The following DOCK1 variants were observed in gnomAD, a reference collection of about 807,000 sequenced individuals.
DOCK1 encodes dedicator of cytokinesis protein 1.
In DOCK1, 138 loss-of-function variants were observed where a neutral mutation model predicts 262.7. That is an observed-to-expected ratio of 0.53 (90% CI 0.46 to 0.61). The LOEUF (loss-of-function observed/expected upper bound fraction) is 0.61, where lower values mean the gene tolerates loss of function less well. Ranked by LOEUF, DOCK1 falls within the 20% of genes least tolerant of loss-of-function variation. DOCK1 has a pLI of 0.00. For synonymous variants in DOCK1, 866 were observed against 867.4 expected, an observed-to-expected ratio of 1.00 and a Z score of 0.03; for missense variants, 1,908 against 2,370.7, an observed-to-expected ratio of 0.80 and a Z score of 4.05.
intron 27 of DOCK1, among the ~76,000 whole-genome samples, chr10:127,141,777 C>G (rs1232865888): frequency 1.3e-5 from 2 of 152,202 alleles, no homozygotes; most frequent in African/African-American, 4.8e-5. Flanking sequence ...CCTGTGTCCT[C>G]CCACAATGAG....
chr10:127,091,345 TGTTGA>T (rs1246916680), intron 23 of DOCK1, among the ~76,000 whole-genome samples: 2 of 152,222 alleles, frequency 1.3e-5, no homozygotes. Flanking sequence ...GGTCTGTTTC[TGTTGA>T]GTTGACTGAA....
intron 1 of DOCK1, among the ~76,000 whole-genome samples, chr10:126,955,701 G>A (rs1591439474): frequency 1.3e-5 from 2 of 152,224 alleles, no homozygotes. Flanking sequence ...CTTGGCTTCC[G>A]CTGTTTTATT....
rs1462276421 is a variant in DOCK1, at chr10:127,235,660, T to C, written c.2848-12348T>C. Among the ~76,000 whole-genome samples, 3 of 152,174 alleles carry C rather than the reference T, an allele frequency of 2.0e-5. No homozygotes were observed. In the East Asian group the frequency reaches 5.8e-4, roughly 29 times the overall value. On this transcript the variant is annotated intron_variant, in intron 27 of 51. Coordinates refer to ENST00000623213, the MANE Select transcript of DOCK1 (RefSeq NM_001290223.2). ...GGGTGAATTCTTAGAAGCAGCGTGG[T>C]TGGGTCATGAGGTGAGTATATTATC...
intron 29 of DOCK1, among the ~76,000 whole-genome samples, chr10:127,300,033 G>C (rs534960899): frequency 6.6e-6 from 1 of 152,274 alleles, no homozygotes; most frequent in East Asian, 1.9e-4. Flanking sequence ...TGTGAGTTCT[G>C]TCCTGAGATG....
At chr10:127,441,123 G>A (rs2070095154) in intron 49 of DOCK1, among the ~76,000 whole-genome samples, 3 of 152,218 alleles carry the variant, frequency 2.0e-5, no homozygotes, top group South Asian at 2.1e-4. Context: ...GGAGGGCCTC[G>A]GAGCAGTTGT....
chr10:127,304,150 G>A (rs1356264502), intron 29 of DOCK1, among the ~76,000 whole-genome samples: 1 of 152,170 alleles, frequency 6.6e-6, no homozygotes. Flanking sequence ...TCAGGGGGCA[G>A]AGCTCCAGCC....
At chr10:127,299,689 T>A (rs1803426844) in intron 29 of DOCK1, among the ~76,000 whole-genome samples, 1 of 152,188 alleles carries the variant, frequency 6.6e-6, no homozygotes, top group Non-Finnish European at 1.5e-5. Context: ...TTGTGGTCAC[T>A]TGTCATGCCA....
intron 29 of DOCK1, among the ~76,000 whole-genome samples, chr10:127,299,878 A>G (rs566190522): frequency 9.8e-5 from 15 of 152,334 alleles, no homozygotes; most frequent in Admixed American, 9.2e-4. Flanking sequence ...CAAACCTTGC[A>G]TCCTTTTCTC....
In DOCK1 at chr10:127,356,065, C is replaced by T. The variant is rs1436908395; in HGVS notation, c.3283+1338C>T. Among the ~76,000 whole-genome samples, 4 of 152,186 alleles carry T rather than the reference C, an allele frequency of 2.6e-5. No homozygotes were observed. In the East Asian group the frequency reaches 7.7e-4, roughly 29 times the overall value. ...GTCCTGGAGTCAGTGGAGGACTCCTCGAGGAAGCTCTGTGCTAGGTCTCTG... is the reference window on the plus strand; with the variant it reads ...GTCCTGGAGTCAGTGGAGGACTCCTTGAGGAAGCTCTGTGCTAGGTCTCTG... On this transcript the variant is annotated intron_variant, in intron 32 of 51. Coordinates refer to ENST00000623213, the MANE Select transcript of DOCK1 (RefSeq NM_001290223.2).
At chr10:127,424,386 C>T (rs1015285890) in intron 46 of DOCK1, among the ~76,000 whole-genome samples, 1 of 152,320 alleles carries the variant, frequency 6.6e-6, no homozygotes, top group South Asian at 2.1e-4. Flanking sequence ...AGTTTTATCA[C>T]ACCACCATCA....
intron 25 of DOCK1, among the ~76,000 whole-genome samples, chr10:127,118,987 G>A (rs2991793): frequency 0.76 from 115,422 of 151,874 alleles, 45,728 homozygotes; most frequent in South Asian, 0.89. Context: ...AATCATACAG[G>A]TTTACACACA....
intron 27 of DOCK1, among the ~76,000 whole-genome samples, chr10:127,157,363 A>G (rs892681310): frequency 1.3e-5 from 2 of 152,212 alleles, no homozygotes; most frequent in Admixed American, 6.5e-5. Flanking sequence ...AGCAGGTGAG[A>G]GTGGGGAGAG....
At chr10:127,151,815 T>C (rs1475509333) in intron 27 of DOCK1, among the ~76,000 whole-genome samples, 1 of 152,182 alleles carries the variant, frequency 6.6e-6, no homozygotes, top group African/African-American at 2.4e-5. Context: ...GACCAGTGGC[T>C]GATGTATTCG....
intron 30 of DOCK1, among the ~76,000 whole-genome samples, chr10:127,341,716 G>A (rs552816137): frequency 6.6e-6 from 1 of 152,274 alleles, no homozygotes; most frequent in South Asian, 2.1e-4. Flanking sequence ...TCATGAGGAT[G>A]GCCCCTTGGA....
chr10:127,303,522 TAAAAA>T (rs971195315), intron 29 of DOCK1, among the ~76,000 whole-genome samples: 8 of 150,696 alleles, frequency 5.3e-5, no homozygotes, highest in African/African-American at 1.7e-4. Context: ...GTTAAACACT[TAAAAA>T]AAAGAAAAAA....
chr10:127,058,297 G>A (rs1315593465), intron 22 of DOCK1, among the ~76,000 whole-genome samples: 1 of 152,026 alleles, frequency 6.6e-6, no homozygotes, highest in African/African-American at 2.4e-5. Flanking sequence ...TATCTTTCCT[G>A]TTGGTCTATT....
chr10:127,061,929 CTTTT>C (rs562310710), intron 23 of DOCK1, among the ~76,000 whole-genome samples, 153 bp downstream of exon 23: 107 of 71,792 alleles, frequency 1.5e-3, no homozygotes, highest in East Asian at 4.7e-3. Context: ...AAGAGCTGTG[CTTTT>C]TTTTTTTTTT....
intron 35 of DOCK1, among the ~76,000 whole-genome samples, chr10:127,377,763 G>C (rs1041264152): frequency 2.6e-5 from 4 of 151,916 alleles, no homozygotes; most frequent in African/African-American, 9.7e-5. Context: ...ATGGTGTTGG[G>C]TGCCTGTAAT....
intron 1 of DOCK1, among the ~76,000 whole-genome samples, chr10:126,927,442 C>T (rs117399383): frequency 0.017 from 2,630 of 151,876 alleles, 51 homozygotes; most frequent in Admixed American, 0.029. Context: ...GTTACTGTCT[C>T]ATTCTTTTTT....
Sources: allele counts gnomAD v4.1 joint callset (sites outside exome capture counted in the v4.1 genomes callset), GRCh38; gene constraint gnomAD v4.1.1; transcripts MANE v1.5; gene names NCBI Gene and HGNC (gene_info 2026-07-23, HGNC 2026-07-21).